CLRN1: variants seen among roughly 807,000 people sequenced by gnomAD.
CLRN1 encodes clarin-1.
In CLRN1, 15 loss-of-function variants were observed where a neutral mutation model predicts 18.7. That is an observed-to-expected ratio of 0.80 (90% CI 0.54 to 1.23). CLRN1 has a LOEUF of 1.23. Among genes scored for constraint, CLRN1 ranks in the 50% most tolerant of loss-of-function variants. CLRN1 has a pLI of 0.00. For missense variants in CLRN1, 311 were observed against 277.5 expected (o/e 1.12, Z -0.86); for synonymous variants, 104 against 102.9 (o/e 1.01, Z -0.07).
chr3:150,938,798 G>A (rs1012700256), intron 2 of CLRN1, among the ~76,000 whole-genome samples: 1 of 152,106 alleles, frequency 6.6e-6, no homozygotes, highest in Admixed American at 6.6e-5. Flanking sequence ...TTGAAGGTGG[G>A]TGAGACAGAA....
intron 1 of CLRN1, among the ~76,000 whole-genome samples, chr3:150,969,313 A>ATTTTT (rs1196979915): frequency 2.3e-4 from 10 of 43,552 alleles, no homozygotes; most frequent in East Asian, 1.6e-3. Context: ...ATATATATAT[A>ATTTTT]TTTTTTTTTT....
At chr3:150,936,722 C>T (rs1298514015) in intron 2 of CLRN1, among the ~76,000 whole-genome samples, 1 of 152,036 alleles carries the variant, frequency 6.6e-6, no homozygotes, top group Non-Finnish European at 1.5e-5. Context: ...AAAGACTTAC[C>T]ATGGTTAATG....
chr3:150,933,977 T>G (rs1033043945), intron 2 of CLRN1, among the ~76,000 whole-genome samples: 2 of 152,174 alleles, frequency 1.3e-5, no homozygotes, highest in Admixed American at 6.5e-5. Flanking sequence ...CATTACTGGG[T>G]TTTCCTGCCA....
Position 150,940,485 on chromosome 3 carries a change from A to AGCCTGGT in CLRN1, c.433+1090_433+1096dup, listed in dbSNP as rs768093614. On this transcript the variant is annotated intron_variant, in intron 2 of 2. Coordinates refer to ENST00000327047, the MANE Select transcript of CLRN1 (RefSeq NM_174878.3). ...GTGTCAAGAGCAAGAAAGTACCTTGAGCCTGGTGCCTGGTAGCTGGCAGCC... is the reference window on the plus strand; with the variant it reads ...GTGTCAAGAGCAAGAAAGTACCTTGAGCCTGGTGCCTGGTGCCTGGTAGCTGGCAGCC... 88 of 1,534,984 alleles carry AGCCTGGT rather than the reference A, an allele frequency of 5.7e-5. No homozygotes were observed. The South Asian group carries it at 1.0e-3, about 18-fold the overall frequency.
At chr3:150,948,320 TA>T (rs1714286556) in intron 1 of CLRN1, among the ~76,000 whole-genome samples, 2 of 151,498 alleles carry the variant, frequency 1.3e-5, no homozygotes, top group South Asian at 2.1e-4. Context: ...CCGTCTCTAC[TA>T]AAAATACAAA....
At chr3:150,960,003 C>T (rs1391352677) in intron 1 of CLRN1, among the ~76,000 whole-genome samples, 1 of 152,094 alleles carries the variant, frequency 6.6e-6, no homozygotes, top group African/African-American at 2.4e-5. Flanking sequence ...GGTAGAGGGG[C>T]CAATGGGGAG....
chr3:150,933,822 C>T (rs1354428586), intron 2 of CLRN1, among the ~76,000 whole-genome samples: 3 of 152,232 alleles, frequency 2.0e-5, no homozygotes, highest in South Asian at 2.1e-4. Context: ...TGTGATTCCT[C>T]ACAACACTGC....
At chr3:150,951,155 G>A (rs182807755) in intron 1 of CLRN1, among the ~76,000 whole-genome samples, 3 of 152,256 alleles carry the variant, frequency 2.0e-5, no homozygotes, top group East Asian at 1.9e-4. Context: ...GATGGAGGGT[G>A]GGAGGAGGGG....
At chr3:150,939,068 TTG>T (rs1713651428) in intron 2 of CLRN1, among the ~76,000 whole-genome samples, 1 of 152,244 alleles carries the variant, frequency 6.6e-6, no homozygotes, top group Non-Finnish European at 1.5e-5. Flanking sequence ...TAATGAGCTG[TTG>T]TGTCTCACCT....
At chr3:150,944,101 G>A (rs565256027) in intron 1 of CLRN1, 17 of 556,098 alleles carry the variant, frequency 3.1e-5, no homozygotes, top group Non-Finnish European at 5.2e-5. Context: ...TCAGGAAAGT[G>A]AAACGAGCTG....
At chr3:150,930,422 A>G (rs900365625) in intron 2 of CLRN1, among the ~76,000 whole-genome samples, 1 of 152,188 alleles carries the variant, frequency 6.6e-6, no homozygotes, top group African/African-American at 2.4e-5. Context: ...AGAATTTCAC[A>G]TAGGACTGGC....
In CLRN1 at chr3:150,972,686, A is replaced by C; in HGVS notation, c.23T>G (p.Ile8Ser). ...GAACACTCCGGCCATGCAAAAAATG[A>C]TTTTCTTCTGTTGGCTTGGCATGAT... MPSQQKKIIFCMAGVFSF... is the reference protein window; with the variant it reads MPSQQKKSIFCMAGVFSF... The change falls in exon 1 of 3, where the codon ATC (isoleucine) becomes AGC (serine). Residue 8 changes from isoleucine (I) to serine (S), a missense_variant. Ile to Ser is a moderately radical substitution (Grantham distance 142). Transcript: ENST00000327047. 1 of 1,614,142 alleles carries C rather than the reference A, an allele frequency of 6.2e-7. No individual in the cohort carries two copies. Among genetic ancestry groups the C allele is most frequent in the East Asian group, 2.2e-5 (1 of 44,886 alleles).
chr3:150,941,138 G>A (rs13068960), intron 2 of CLRN1, among the ~76,000 whole-genome samples: 87,771 of 141,064 alleles, frequency 0.62, 29,413 homozygotes, highest in South Asian at 0.79. Context: ...CTGTCTGTCT[G>A]TCTATCTATC....
At chr3:150,939,868 C>G (rs1235791232) in intron 2 of CLRN1, among the ~76,000 whole-genome samples, 1 of 152,126 alleles carries the variant, frequency 6.6e-6, no homozygotes, top group African/African-American at 2.4e-5. Flanking sequence ...TTCAGTCTGC[C>G]CACACCCTGA....
At chr3:150,964,102 G>A (rs531420111) in intron 1 of CLRN1, among the ~76,000 whole-genome samples, 49 of 152,266 alleles carry the variant, frequency 3.2e-4, no homozygotes, top group African/African-American at 1.2e-3. Flanking sequence ...CGCAGCAAAA[G>A]AAACTATTAT....
At chr3:150,965,636 C>G (rs1001295570) in intron 1 of CLRN1, among the ~76,000 whole-genome samples, 1 of 152,072 alleles carries the variant, frequency 6.6e-6, no homozygotes, top group Admixed American at 6.5e-5. Context: ...AGGAGTCATC[C>G]TTCAATAGGT....
intron 1 of CLRN1, among the ~76,000 whole-genome samples, chr3:150,965,432 TATTA>T (rs1347921743): frequency 2.6e-5 from 4 of 152,232 alleles, no homozygotes; most frequent in Non-Finnish European, 5.9e-5. Flanking sequence ...AATATCATAA[TATTA>T]ATTATAGTAA....
chr3:150,968,348 T>A (rs1559994115), intron 1 of CLRN1, among the ~76,000 whole-genome samples: 1 of 152,190 alleles, frequency 6.6e-6, no homozygotes, highest in African/African-American at 2.4e-5. Flanking sequence ...CAAGAAAAAT[T>A]AAGCCCACTA....
chr3:150,962,111 G>A (rs949583311), intron 1 of CLRN1, among the ~76,000 whole-genome samples: 1 of 152,142 alleles, frequency 6.6e-6, no homozygotes, highest in African/African-American at 2.4e-5. Context: ...TGGCACATAT[G>A]TGTCTCTGAT....
Sources: allele counts gnomAD v4.1 joint callset (sites outside exome capture counted in the v4.1 genomes callset), GRCh38; gene constraint gnomAD v4.1.1; transcripts MANE v1.5; gene names NCBI Gene and HGNC (gene_info 2026-07-23, HGNC 2026-07-21).